Variants in MYO15B observed in about 807,000 individuals in gnomAD.
MYO15B encodes the protein myosin XVB.
MYO15B carries 207 observed loss-of-function variants against 119.3 expected under a neutral mutation model. The ratio of observed to expected loss-of-function variants is 1.73; its 90% confidence interval spans 1.55 to 1.95. The LOEUF is 1.95. MYO15B is among the 30% of genes most tolerant of loss of function. MYO15B has a pLI of 0.00. For synonymous variants in MYO15B, 966 were observed against 498.9 expected (o/e 1.94, Z -12.48); for missense variants, 2,264 against 1,203.1 (o/e 1.88, Z -13.04).
chr17:75,616,828 G>A (rs1417078829), intron 39 of MYO15B, 43 bp downstream of exon 39: 8 of 702,926 alleles, frequency 1.1e-5, no homozygotes, highest in Admixed American at 2.0e-5. Flanking sequence ...CCCGCTCCTC[G>A]GGGAATCACC....
In MYO15B at chr17:75,621,102, T is replaced by A. The variant is rs1398183613; in HGVS notation, c.7797T>A (p.Tyr2599Ter). 1.4e-6 allele frequency: 1 copy of A among 702,776 alleles called. No individual in the cohort carries two copies. The highest frequency in any genetic ancestry group is 1.7e-5 in the African/African-American group (1 of 57,274). The allele number at this position is 702,776 out of a possible 1,614,324, so 43.5% of individuals were successfully genotyped here. ...CCACCAGCCTGTCCTCTGTGGCCTA[T>A]GCCTTTCTGCCCGACTCCCACAGCT... Residue 2599 changes from tyrosine (Y) to a stop codon, truncating the protein, a stop_gained, in exon 50 of 64, where the codon TAT (tyrosine) becomes TAA (stop). Coordinates refer to ENST00000645453, the Ensembl canonical transcript of MYO15B. LOFTEE classifies it high-confidence loss of function.
chr17:75,602,798 C>T (rs1322276704), intron 16 of MYO15B, 32 bp from the exon 17 acceptor site: 4 of 609,522 alleles, frequency 6.6e-6, no homozygotes, highest in Admixed American at 5.7e-5. Flanking sequence ...CACGCCCCAG[C>T]GGCCAGCTGA....
intron 21 of MYO15B, chr17:75,607,162 A>C: frequency 2.6e-6 from 1 of 389,062 alleles, no homozygotes; most frequent in South Asian, 1.4e-4. Context: ...CATCTCCACT[A>C]TCTATTTCCA....
rs759849335 is a variant in MYO15B at position 75,589,639 on chromosome 17, C to T, written c.1582C>T (p.Pro528Ser). The change falls in exon 1 of 64, where the codon CCC becomes TCC. Residue 528 changes from proline to serine, a missense_variant. Pro to Ser is a moderately conservative substitution (Grantham distance 74, BLOSUM62 -1). Transcript: ENST00000645453. This position sits in a 1 kb window ranked among gnomAD's most constrained non-coding sequence, Gnocchi z 4.2. ...CCCGCAGGTCCCGACAAGCCCAGTC[C>T]CCGGCGACCCTTTTGATCAGGAGGA... 274 of 398,838 alleles carry T rather than the reference C, an allele frequency of 6.9e-4. No individual in the cohort carries two copies. The highest frequency in any genetic ancestry group is 9.9e-4 in the Non-Finnish European group (224 of 226,076). 24.7% of individuals were successfully genotyped at this position (398,838 alleles called of 1,614,324 possible).
exon 60 of MYO15B, chr17:75,625,199 T>C (rs2058963129): frequency 1.4e-6 from 1 of 702,596 alleles, no homozygotes. Context: ...CTGGCCGCCC[T>C]GCAGCACCTC....
chr17:75,617,241 C>T (rs566819235), exon 41 of MYO15B: 1 of 694,204 alleles, frequency 1.4e-6, no homozygotes, highest in South Asian at 1.5e-5. Context: ...CACACCCCCA[C>T]CTCCACCAGC....
intron 22 of MYO15B, 79 bp downstream of exon 22, chr17:75,610,338 G>A (rs1004728450): frequency 3.2e-6 from 2 of 617,204 alleles, no homozygotes; most frequent in Admixed American, 2.6e-5. Context: ...TCCCAGCAGC[G>A]TTGACCCTCT....
At chr17:75,599,119 A>C (rs997775038) in intron 14 of MYO15B, among the ~76,000 whole-genome samples, 14 of 152,076 alleles carry the variant, frequency 9.2e-5, no homozygotes, top group African/African-American at 3.4e-4. Context: ...GCTGGTCTCA[A>C]CCTCCTGGGC....
intron 12 of MYO15B, among the ~76,000 whole-genome samples, chr17:75,596,188 C>T (rs951391903): frequency 6.6e-6 from 1 of 152,164 alleles, no homozygotes; most frequent in Non-Finnish European, 1.5e-5. Context: ...AAGTCGCCTT[C>T]CAAGCCACAG....
chr17:75,626,151 G>A (rs1169272732), exon 63 of MYO15B: 9 of 702,622 alleles, frequency 1.3e-5, no homozygotes, highest in Non-Finnish European at 2.3e-5. Context: ...CCCTCTGGAG[G>A]AGAAGGGGCC....
At chr17:75,621,369 C>T (rs775824747) in exon 51 of MYO15B, 11 of 701,154 alleles carry the variant, frequency 1.6e-5, no homozygotes, top group East Asian at 8.1e-5. Context: ...ATGGAGGTGC[C>T]GCAGGAAAGG....
chr17:75,591,610 C>G, exon 5 of MYO15B: 1 of 702,920 alleles, frequency 1.4e-6, no homozygotes. Flanking sequence ...GCTCCTCCCA[C>G]TGCAGTGGGC....
chr17:75,624,088 A>C (rs1175937895), intron 55 of MYO15B, 24 bp downstream of exon 55: 2 of 702,788 alleles, frequency 2.8e-6, no homozygotes, highest in South Asian at 3.0e-5. Flanking sequence ...GGGGAGATGG[A>C]GGAGAGGCAG....
chr17:75,606,091 G>A (rs2057629008), intron 21 of MYO15B, 70 bp downstream of exon 21: 1 of 614,608 alleles, frequency 1.6e-6, no homozygotes, highest in Admixed American at 2.5e-5. Context: ...CAGGTGGTGG[G>A]GCAGGGTTGG....
chr17:75,624,003 C>T (rs1486674129), exon 55 of MYO15B: 3 of 703,036 alleles, frequency 4.3e-6, no homozygotes, highest in Non-Finnish European at 7.8e-6. Flanking sequence ...GCTTCTTCCC[C>T]CCGTCGACCA....
At chr17:75,607,006 G>C (rs1286648877) in intron 21 of MYO15B, 1 of 398,348 alleles carries the variant, frequency 2.5e-6, no homozygotes, top group Non-Finnish European at 4.4e-6. Flanking sequence ...AGATGCTGGT[G>C]ACAGAGCTGG....
intron 59 of MYO15B, 43 bp downstream of exon 59, chr17:75,624,959 G>A (rs1392741881): frequency 1.2e-5 from 8 of 695,372 alleles, no homozygotes; most frequent in East Asian, 2.7e-5. Context: ...GTTTGAGGGC[G>A]CGGCTTCCTG....
rs1223294580 is a variant in MYO15B at position 75,589,539 on chromosome 17, G to GCA, written c.1484_1485dup (p.Arg496ThrfsTer3). ...GGTGGGGCCGTGAGCCCGGGCTGCG[G>GCA]CACCGTCTAGCGTTGCGCCTGGCTG... On this transcript the variant is annotated frameshift_variant, in exon 1 of 64. Transcript: ENST00000645453. LOFTEE classifies it high-confidence loss of function. This position sits in a 1 kb window ranked among gnomAD's most constrained non-coding sequence, Gnocchi z 4.2. 3.5e-5 allele frequency: 14 copies of GCA among 398,666 alleles called. No homozygotes were observed. Among genetic ancestry groups the GCA allele is most frequent in the Non-Finnish European group, 5.7e-5 (13 of 226,168 alleles). The allele number at this position is 398,666 out of a possible 1,614,324, so 24.7% of individuals were successfully genotyped here.
chr17:75,616,941 G>A (rs1026966145), exon 40 of MYO15B: 7 of 702,886 alleles, frequency 1.0e-5, no homozygotes, highest in Admixed American at 6.0e-5. Context: ...GGGTATCAAC[G>A]GTGCCCACTC....
Sources: gnomAD v4.1 joint callset for allele counts (sites outside exome capture counted in the v4.1 genomes callset) on GRCh38, gnomAD v4.1.1 for gene constraint, Gnocchi (gnomAD v3.1) non-coding constraint, MANE v1.5 for transcripts, NCBI Gene and HGNC (gene_info 2026-07-23, HGNC 2026-07-21) for gene names.